Variants in AFF2 observed in about 807,000 individuals in gnomAD.
AFF2 encodes AF4/FMR2 family member 2.
In AFF2, 14 loss-of-function variants were observed where a neutral mutation model predicts 76.9. The ratio of observed to expected loss-of-function variants is 0.18; its 90% CI spans 0.12 to 0.28. The LOEUF (loss-of-function observed/expected upper bound fraction) is 0.28, where lower values mean the gene tolerates loss of function less well. Among genes scored for constraint, AFF2 ranks in the 10% least tolerant of loss-of-function variants. The probability of loss-of-function intolerance (pLI) is 1.00; values close to 1 mark genes in which losing one functional copy is unlikely to be tolerated. For missense variants in AFF2, 868 were observed against 1,001.1 expected (o/e 0.87, Z 1.79); for synonymous variants, 398 against 366.7 (o/e 1.09, Z -0.98).
intron 7 of AFF2, among the ~76,000 whole-genome samples, chrX:148,857,124 T>C (rs1057265540): frequency 1.8e-5 from 2 of 111,854 alleles, no homozygotes; most frequent in Non-Finnish European, 3.8e-5. Flanking sequence ...GAAGACACAC[T>C]AATGTAGAAT....
At chrX:148,605,278 G>A (rs958676837) in intron 1 of AFF2, among the ~76,000 whole-genome samples, 20 of 111,751 alleles carry the variant, frequency 1.8e-4, no homozygotes, top group African/African-American at 5.8e-4. Flanking sequence ...GTGAATATAC[G>A]ATAATGAGCT....
chrX:148,633,761 T>C (rs1422303331), intron 1 of AFF2, among the ~76,000 whole-genome samples: 1 of 112,784 alleles, frequency 8.9e-6, no homozygotes, highest in Non-Finnish European at 1.9e-5. Flanking sequence ...GCAGACACTA[T>C]GTCCTGTTAA....
chrX:148,788,558 T>C (rs2069852218), intron 3 of AFF2, among the ~76,000 whole-genome samples: 1 of 111,872 alleles, frequency 8.9e-6, no homozygotes, highest in Admixed American at 9.5e-5. Flanking sequence ...TCTTTATGCT[T>C]GGGTGGTCAT....
intron 3 of AFF2, among the ~76,000 whole-genome samples, chrX:148,729,782 T>G (rs1159366438): frequency 3.6e-5 from 4 of 111,979 alleles, no homozygotes; most frequent in Non-Finnish European, 7.5e-5. Context: ...AGGAGGCACT[T>G]TACTCTCAAT....
chrX:148,792,416 G>A (rs1557270011), intron 3 of AFF2, among the ~76,000 whole-genome samples: 1 of 112,692 alleles, frequency 8.9e-6, no homozygotes, highest in Non-Finnish European at 1.9e-5. Flanking sequence ...GCGTGCCACT[G>A]CACTCCAGCC....
chrX:148,821,804 G>A (rs2070331286), intron 4 of AFF2, among the ~76,000 whole-genome samples: 1 of 111,780 alleles, frequency 8.9e-6, no homozygotes, highest in South Asian at 3.7e-4. Flanking sequence ...GTCATAGTCT[G>A]TGTGGAAATC....
chrX:148,504,723 C>T (rs1340352757), intron 1 of AFF2, among the ~76,000 whole-genome samples: 2 of 112,772 alleles, frequency 1.8e-5, no homozygotes, highest in African/African-American at 6.4e-5. Context: ...TTCGACCTTG[C>T]GAGGGCGGGG....
chrX:148,740,981 C>T (rs2055343855), intron 3 of AFF2, among the ~76,000 whole-genome samples: 1 of 112,171 alleles, frequency 8.9e-6, no homozygotes, highest in Admixed American at 9.4e-5. Context: ...ATTGTCTGCA[C>T]AGAGTCCTGT....
intron 9 of AFF2, among the ~76,000 whole-genome samples, chrX:148,916,975 C>T (rs782815863): frequency 8.9e-6 from 1 of 112,313 alleles, no homozygotes; most frequent in Non-Finnish European, 1.9e-5. Flanking sequence ...AAAGTTCAAC[C>T]GTCCTAGTTT....
intron 1 of AFF2, among the ~76,000 whole-genome samples, chrX:148,535,864 C>T (rs1055981670): frequency 6.3e-5 from 7 of 111,716 alleles, no homozygotes; most frequent in South Asian, 3.7e-4. Flanking sequence ...TAGGCAATGC[C>T]GATGTGCAGC....
chrX:148,711,361 A>C (rs1370416156), intron 3 of AFF2, among the ~76,000 whole-genome samples: 1 of 112,091 alleles, frequency 8.9e-6, no homozygotes, highest in Non-Finnish European at 1.9e-5. Context: ...ATTATTATGT[A>C]TGACAGACCA....
chrX:148,781,572 G>A (rs782661475), intron 3 of AFF2, among the ~76,000 whole-genome samples: 2 of 111,781 alleles, frequency 1.8e-5, no homozygotes, highest in East Asian at 5.7e-4. Flanking sequence ...ATCCCAGGTC[G>A]ACTTCAGACT....
intron 7 of AFF2, among the ~76,000 whole-genome samples, chrX:148,849,248 A>C (rs1204123313): frequency 1.8e-5 from 2 of 109,107 alleles, no homozygotes; most frequent in Non-Finnish European, 3.8e-5. Flanking sequence ...TCATAGTTGA[A>C]AGATTAGATC....
Position 148,994,820 on chromosome X carries a change from T to C in AFF2, c.*3488T>C, listed in dbSNP as rs1557292811. 1 of 112,437 alleles carries C rather than the reference T, an allele frequency of 8.9e-6. No individual in the cohort carries two copies. Among genetic ancestry groups the C allele is most frequent in the African/African-American group, 3.2e-5 (1 of 30,842 alleles). The allele number at this position is 112,437 out of a possible 1,213,427, so 9.3% of individuals were successfully genotyped here. A position where few individuals can be genotyped will look rare whatever the true frequency, so the allele number is the denominator to read the frequency against. ...GGAGTTTGAGGTTGGAAAATATCTTTGAAGGCAGAATCAGTTGAGTTGTGA... is the reference window on the plus strand; with the variant it reads ...GGAGTTTGAGGTTGGAAAATATCTTCGAAGGCAGAATCAGTTGAGTTGTGA... On this transcript the variant is annotated 3_prime_UTR_variant, in exon 21 of 21. Coordinates refer to ENST00000370460, the MANE Select transcript of AFF2 (RefSeq NM_002025.4).
intron 1 of AFF2, among the ~76,000 whole-genome samples, chrX:148,553,549 G>T (rs1377893724): frequency 9.0e-6 from 1 of 111,664 alleles, no homozygotes; most frequent in Admixed American, 9.5e-5. Context: ...TCTGAAAGGG[G>T]TATAAAGTGC....
At chrX:148,964,082 A>G (rs1261630651) in intron 13 of AFF2, among the ~76,000 whole-genome samples, 1 of 111,823 alleles carries the variant, frequency 8.9e-6, no homozygotes, top group Non-Finnish European at 1.9e-5. Flanking sequence ...CTTTAAAGTG[A>G]CCCTGTTGAC....
intron 4 of AFF2, among the ~76,000 whole-genome samples, chrX:148,816,806 C>A (rs1318743175): frequency 9.2e-6 from 1 of 109,209 alleles, no homozygotes; most frequent in Non-Finnish European, 1.9e-5. Context: ...CATTTGGGCA[C>A]ACAGCCTTGT....
At chrX:148,517,659 T>C (rs1313936026) in intron 1 of AFF2, among the ~76,000 whole-genome samples, 3 of 111,884 alleles carry the variant, frequency 2.7e-5, no homozygotes, top group African/African-American at 9.7e-5. Flanking sequence ...TGATTAGTTA[T>C]TATAAAACCC....
intron 7 of AFF2, among the ~76,000 whole-genome samples, chrX:148,846,873 A>G (rs1191343932): frequency 2.7e-5 from 3 of 111,848 alleles, no homozygotes; most frequent in African/African-American, 9.8e-5. Context: ...CTCACCAGAC[A>G]TTGTGTTGCT....
Sources: gnomAD v4.1 joint callset for allele counts (sites outside exome capture counted in the v4.1 genomes callset) on GRCh38, gnomAD v4.1.1 for gene constraint, MANE v1.5 for transcripts, NCBI Gene and HGNC (gene_info 2026-07-23, HGNC 2026-07-21) for gene names.